CYLC2: variants seen among roughly 807,000 people sequenced by gnomAD.
The protein encoded by CYLC2 is cylicin-2.
A neutral mutation model predicts 26.1 loss-of-function variants in CYLC2; 30 were observed. The observed-to-expected ratio is 1.15, with a 90% CI of 0.86 to 1.56. The LOEUF is 1.56. Ranked by LOEUF, CYLC2 falls within the 40% of genes most tolerant of loss-of-function variation. The pLI, the probability that CYLC2 is intolerant of heterozygous loss-of-function variation, is 0.00. For synonymous variants in CYLC2, 158 were observed against 132.8 expected (o/e 1.19, Z -1.31); for missense variants, 498 against 394.4 (o/e 1.26, Z -2.23).
chr9:103,003,201 C>T lies in CYLC2; in HGVS notation c.118C>T (p.Pro40Ser), dbSNP rs867706194. Reference sequence around the variant, plus strand: ...ACACTTTGCCCTGTTATTTCCCAAACCACAACGGCCAGGAACCAAAAGGAG... The same window carrying T: ...ACACTTTGCCCTGTTATTTCCCAAATCACAACGGCCAGGAACCAAAAGGAG... ...QQHFALLFPK[P>S]QRPGTKRRSK... is the part of the protein sequence containing the mutation. The change falls in exon 3 of 8, where the codon CCA becomes TCA. Residue 40 changes from proline (P) to serine (S), a missense_variant. By Grantham distance (74) the Pro-to-Ser change is moderately conservative. Coordinates refer to ENST00000374798, the MANE Select transcript of CYLC2 (RefSeq NM_001340.5). 6.2e-7 allele frequency: 1 copy of T among 1,613,834 alleles called. No individual in the cohort carries two copies. Among genetic ancestry groups the T allele is most frequent in the Non-Finnish European group, 8.5e-7 (1 of 1,179,866 alleles).
chr9:103,004,627 G>T, intron 3 of CYLC2, 68 bp from the exon 4 acceptor site: 1 of 993,162 alleles, frequency 1.0e-6, no homozygotes, highest in Non-Finnish European at 1.4e-6. Context: ...AAATATATTT[G>T]GGATATATTA....
Position 103,005,151 on chromosome 9 carries a change from T to C in CYLC2, c.520T>C (p.Ser174Pro), listed in dbSNP as rs753634455. Residue 174 changes from serine to proline, a missense_variant, in exon 5 of 8, where the codon TCA becomes CCA. Physicochemically the swap from Ser to Pro is moderately conservative, Grantham distance 74. Transcript: ENST00000374798. The part of the protein sequence containing the change: ...GKKDAEKGKD[S>P]ATESEDEKGG... Reference sequence around the variant, plus strand: ...AAAGGATGCAGAGAAGGGCAAAGACTCAGCAACAGAATCTGAAGATGAAAA... The same window carrying C: ...AAAGGATGCAGAGAAGGGCAAAGACCCAGCAACAGAATCTGAAGATGAAAA... The C allele has an allele frequency of 1.1e-5, 17 of 1,605,148 alleles. No homozygotes were observed. The highest frequency in any genetic ancestry group is 1.4e-5 in the Non-Finnish European group (16 of 1,177,688).
intron 6 of CYLC2, among the ~76,000 whole-genome samples, chr9:103,014,324 C>T (rs1829461816): frequency 7.6e-6 from 1 of 131,920 alleles, no homozygotes; most frequent in African/African-American, 2.8e-5. Flanking sequence ...GTATATATTA[C>T]ATAATGTATA....
At chr9:103,001,214 G>C (rs1333549036) in intron 1 of CYLC2, among the ~76,000 whole-genome samples, 1 of 151,568 alleles carries the variant, frequency 6.6e-6, no homozygotes, top group Non-Finnish European at 1.5e-5. Context: ...CATGAACTGG[G>C]AAAAATAATT....
intron 6 of CYLC2, among the ~76,000 whole-genome samples, chr9:103,015,040 A>G (rs1437161491): frequency 2.8e-5 from 3 of 105,946 alleles, no homozygotes; most frequent in Admixed American, 2.1e-4. Flanking sequence ...CATGTGATAT[A>G]CATAATTTGT....
chr9:103,008,697 C>T (rs566917587), intron 5 of CYLC2, among the ~76,000 whole-genome samples: 5 of 152,222 alleles, frequency 3.3e-5, no homozygotes, highest in African/African-American at 1.2e-4. Flanking sequence ...AGTAGTAAGT[C>T]CTATCCTGTC....
At chr9:103,001,233 T>C (rs1303267575) in intron 1 of CYLC2, among the ~76,000 whole-genome samples, 2 of 151,014 alleles carry the variant, frequency 1.3e-5, no homozygotes, top group East Asian at 4.0e-4. Context: ...TTCAACTGTG[T>C]TTTTGTAATT....
intron 1 of CYLC2, among the ~76,000 whole-genome samples, chr9:103,000,722 C>T (rs559288849): frequency 1.3e-5 from 2 of 152,122 alleles, no homozygotes; most frequent in East Asian, 3.9e-4. Context: ...GTTTTACACG[C>T]TGTCAAATAA....
At chr9:103,009,402 C>A (rs1225391345) in intron 5 of CYLC2, among the ~76,000 whole-genome samples, 1 of 151,766 alleles carries the variant, frequency 6.6e-6, no homozygotes, top group Non-Finnish European at 1.5e-5. Flanking sequence ...TGGAGTTTTG[C>A]CATGTTGCCC....
chr9:103,013,884 A>G (rs1829451884), intron 6 of CYLC2, among the ~76,000 whole-genome samples: 2 of 113,362 alleles, frequency 1.8e-5, no homozygotes, highest in East Asian at 2.9e-4. Flanking sequence ...TACATATAAT[A>G]AATAATATAT....
intron 5 of CYLC2, among the ~76,000 whole-genome samples, chr9:103,008,420 T>C (rs1279465508): frequency 6.6e-6 from 1 of 152,158 alleles, no homozygotes; most frequent in Non-Finnish European, 1.5e-5. Flanking sequence ...TCTTATGCTG[T>C]TGAATTTTAT....
chr9:103,014,419 A>G (rs1357083046), intron 6 of CYLC2, among the ~76,000 whole-genome samples: 1 of 20,682 alleles, frequency 4.8e-5, no homozygotes, highest in African/African-American at 1.4e-4. Flanking sequence ...GTAATGTAAC[A>G]TAATAACATA....
chr9:103,007,217 C>A (rs1186725859), intron 5 of CYLC2, among the ~76,000 whole-genome samples: 1 of 151,998 alleles, frequency 6.6e-6, no homozygotes, highest in Non-Finnish European at 1.5e-5. Context: ...ATAAATGAAG[C>A]TTTAAAAAGT....
rs1195170082 is a variant in CYLC2, at chr9:103,013,678, TATG to T, written c.*816+1584_*816+1586del. Among the ~76,000 whole-genome samples, 9 of 111,122 alleles carry T rather than the reference TATG, an allele frequency of 8.1e-5. 1 individual carries two copies. In the Admixed American group the frequency reaches 9.7e-4, roughly 12 times the overall value. The allele number at this position is 111,122 out of a possible 152,430, so 72.9% of individuals were successfully genotyped here. The stretch of plus-strand genomic sequence containing the variant: ...TAAATATATTATATTAAATAATATA[TATG>T]ATATATAATATATCCTGTACATTAT... On this transcript the variant is annotated intron_variant, in intron 6 of 7. Coordinates refer to ENST00000374798, the MANE Select transcript of CYLC2 (RefSeq NM_001340.5).
chr9:103,018,058 T>C (rs907761772), intron 7 of CYLC2, among the ~76,000 whole-genome samples: 1 of 152,024 alleles, frequency 6.6e-6, no homozygotes. Flanking sequence ...GTAGACAATT[T>C]ATCCCACAAC....
intron 6 of CYLC2, among the ~76,000 whole-genome samples, chr9:103,014,907 G>A (rs1264617405): frequency 7.6e-6 from 1 of 131,446 alleles, no homozygotes; most frequent in Non-Finnish European, 1.6e-5. Flanking sequence ...CATAATATAT[G>A]TAATATACAT....
chr9:103,005,079 G>A lies in CYLC2; in HGVS notation c.448G>A (p.Gly150Arg). 6.2e-7 allele frequency: 1 copy of A among 1,605,854 alleles called. No homozygotes were observed. The highest frequency in any genetic ancestry group is 1.1e-5 in the South Asian group (1 of 90,330). The change falls in exon 5 of 8, where the codon GGA (glycine) becomes AGA (arginine). Residue 150 changes from glycine (G) to arginine (R), a missense_variant. Coordinates refer to ENST00000374798, the MANE Select transcript of CYLC2 (RefSeq NM_001340.5). Reference protein sequence around the residue: ...DSKKGKDIEKGKEEKLDAKKD... With the variant: ...DSKKGKDIEKRKEEKLDAKKD... ...AAAGAAAGGCAAGGATATAGAGAAA[G>A]GAAAAGAAGAAAAGCTAGATGCAAA...
rs145126926 is a variant in CYLC2 at position 103,005,170 on chromosome 9, A to G, written c.539A>G (p.Asp180Gly). Residue 180 changes from aspartate (D) to glycine (G), a missense_variant, in exon 5 of 8, where the codon GAT becomes GGT. Transcript: ENST00000374798. The stretch of plus-strand genomic sequence containing the variant: ...AAAGACTCAGCAACAGAATCTGAAG[A>G]TGAAAAAGGAGGTGCAAAGAAAGAT... ...KGKDSATESEDEKGGAKKDNK... is the reference protein window; with the variant it reads ...KGKDSATESEGEKGGAKKDNK... 5.0e-6 allele frequency: 8 copies of G among 1,605,622 alleles called. No individual in the cohort carries two copies. Among genetic ancestry groups the G allele is most frequent in the Non-Finnish European group, 6.8e-6 (8 of 1,177,788 alleles).
chr9:103,011,136 T>C (rs984980956), intron 5 of CYLC2, among the ~76,000 whole-genome samples: 15 of 152,088 alleles, frequency 9.9e-5, no homozygotes, highest in African/African-American at 3.1e-4. Context: ...ACAGTTAACA[T>C]TGAAACAGTA....
Sources: allele counts gnomAD v4.1 joint callset (sites outside exome capture counted in the v4.1 genomes callset), GRCh38; gene constraint gnomAD v4.1.1; transcripts MANE v1.5; gene names NCBI Gene and HGNC (gene_info 2026-07-23, HGNC 2026-07-21).